Variants in INSL6 observed in about 807,000 individuals in gnomAD.
INSL6 encodes insulin like 6, also known as insulin-like peptide INSL6.
A neutral mutation model predicts 9.4 loss-of-function variants in INSL6; 16 were observed. The observed-to-expected ratio is 1.70, with a 90% CI of 1.15 to 2.59. INSL6 has a LOEUF of 2.59. Among genes scored for constraint, INSL6 ranks in the 30% most tolerant of loss-of-function variants. INSL6 has a pLI of 0.00. For missense variants in INSL6, 391 were observed against 257.3 expected, an observed-to-expected ratio of 1.52 and a Z score of -3.56; for synonymous variants, 154 against 96.9, an observed-to-expected ratio of 1.59 and a Z score of -3.46.
chr9:5,131,689 C>T (rs1824292631), intron 3 of INSL6, among the ~76,000 whole-genome samples: 1 of 152,080 alleles, frequency 6.6e-6, no homozygotes, highest in African/African-American at 2.4e-5. Context: ...ATCCAACCGC[C>T]TCAACCTCCC....
At chr9:5,122,898 T>C, downstream of INSL6, 4 of 709,358 alleles carry the variant, frequency 5.6e-6, no homozygotes, top group Non-Finnish European at 6.8e-6. Context: ...GTGATAACTC[T>C]TTTCTCTACA....
At chr9:5,052,741 A>G in the INSL6 span, among the ~76,000 whole-genome samples, 1 of 152,046 alleles carries the variant, frequency 6.6e-6, no homozygotes, top group Non-Finnish European at 1.5e-5. Flanking sequence ...ATCATGCAAA[A>G]TGTGGTGTGG....
chr9:4,997,105 T>A, the INSL6 span, among the ~76,000 whole-genome samples: 40 of 151,570 alleles, frequency 2.6e-4, no homozygotes, highest in Non-Finnish European at 4.1e-4. Flanking sequence ...ATTTTTATAT[T>A]TTTTTTTGTA....
the INSL6 span, among the ~76,000 whole-genome samples, chr9:5,050,437 A>G: frequency 6.6e-6 from 1 of 151,996 alleles, no homozygotes; most frequent in Non-Finnish European, 1.5e-5. Flanking sequence ...TGCCTGGATA[A>G]TTTTTAAATT....
chr9:5,032,030 C>T, the INSL6 span, among the ~76,000 whole-genome samples: 18 of 152,320 alleles, frequency 1.2e-4, no homozygotes, highest in South Asian at 1.0e-3. Flanking sequence ...GGGTGACAGA[C>T]GGCACCTGGA....
At chr9:5,026,195 T>C in the INSL6 span, among the ~76,000 whole-genome samples, 1 of 152,216 alleles carries the variant, frequency 6.6e-6, no homozygotes, top group East Asian at 1.9e-4. Context: ...TATAAGCAGA[T>C]AAAGCTACAA....
the INSL6 span, among the ~76,000 whole-genome samples, chr9:5,013,941 C>T: frequency 3.3e-5 from 5 of 152,016 alleles, no homozygotes; most frequent in African/African-American, 1.2e-4. Flanking sequence ...AAGGATGAAA[C>T]TTATTTTTAG....
the INSL6 span, among the ~76,000 whole-genome samples, chr9:5,031,103 T>C: frequency 2.0e-5 from 3 of 152,098 alleles, no homozygotes; most frequent in Admixed American, 6.6e-5. Context: ...GGACATAACA[T>C]TGGAATGGGG....
chr9:5,090,995 T>C, the INSL6 span: 1 of 1,030,826 alleles, frequency 9.7e-7, no homozygotes, highest in Non-Finnish European at 1.4e-6. Flanking sequence ...TTGCCATTTC[T>C]ATATTTACAG....
At chr9:5,064,921 C>G in the INSL6 span, 3 of 1,593,858 alleles carry the variant, frequency 1.9e-6, no homozygotes, top group South Asian at 1.1e-5. Context: ...CTTTGTCTTT[C>G]GTGTCATTAA....
At chr9:5,018,379 A>C in the INSL6 span, among the ~76,000 whole-genome samples, 4 of 152,112 alleles carry the variant, frequency 2.6e-5, no homozygotes, top group Admixed American at 2.0e-4. Context: ...TCTGTCCTCC[A>C]GGCTGGAGTG....
the INSL6 span, among the ~76,000 whole-genome samples, chr9:5,048,525 A>T: frequency 1.3e-5 from 2 of 152,074 alleles, no homozygotes; most frequent in African/African-American, 4.8e-5. Flanking sequence ...AAACAGTATA[A>T]CTTACTTGCC....
At chr9:5,155,025 C>A (rs944485370) in intron 2 of INSL6, among the ~76,000 whole-genome samples, 57 of 151,926 alleles carry the variant, frequency 3.8e-4, no homozygotes, top group Non-Finnish European at 6.2e-4. Context: ...CACATGCACA[C>A]GTATGTTTAT....
At chr9:5,006,806 G>C in the INSL6 span, among the ~76,000 whole-genome samples, 1 of 151,934 alleles carries the variant, frequency 6.6e-6, no homozygotes, top group Non-Finnish European at 1.5e-5. Context: ...ATTTGGGTGG[G>C]GACACAGAAC....
the INSL6 span, chr9:5,064,935 A>G: frequency 6.2e-7 from 1 of 1,600,268 alleles, no homozygotes. Flanking sequence ...TCATTAATTG[A>G]TGGATATTAT....
At chr9:5,111,880 AGCAGCTCTGGGGACGCC>A in the INSL6 span, 1 of 374,496 alleles carries the variant, frequency 2.7e-6, no homozygotes, top group East Asian at 7.2e-5. Flanking sequence ...GACCACAGCC[AGCAGCTCTGGGGACGCC>A]CTCGGGAAGG....
At chr9:5,112,740 T>A in the INSL6 span, 1 of 712,570 alleles carries the variant, frequency 1.4e-6, no homozygotes, top group Non-Finnish European at 2.1e-6. Flanking sequence ...ACAGCCTGTT[T>A]GAAACGGCGA....
rs368461380 is a variant in INSL6, at chr9:5,185,511, T to A, written c.92A>T (p.Lys31Met). The change falls in exon 1 of 2, where the codon AAG becomes ATG. Residue 31 changes from lysine (K) to methionine (M), a missense_variant. By Grantham distance (95) the Lys-to-Met change is moderately conservative (BLOSUM62 -1). Transcript: ENST00000381641. ...TTTCACCAAGTACCTGCCGCACAGC[T>A]TCCTGGCACTGCTGATGTCGCTCAG... ...RELSDISSAR[K>M]LCGRYLVKEI... The A allele has an allele frequency of 1.1e-5, 18 of 1,614,172 alleles. No individual in the cohort carries two copies. Among genetic ancestry groups the A allele is most frequent in the Non-Finnish European group, 1.4e-5 (17 of 1,180,022 alleles).
At chr9:5,107,061 C>T in the INSL6 span, among the ~76,000 whole-genome samples, 2 of 152,100 alleles carry the variant, frequency 1.3e-5, no homozygotes, top group African/African-American at 4.8e-5. Flanking sequence ...TTACATCCAA[C>T]CAGCACTTTG....
Sources: allele counts gnomAD v4.1 joint callset (sites outside exome capture counted in the v4.1 genomes callset), GRCh38; gene constraint gnomAD v4.1.1; transcripts MANE v1.5; gene names NCBI Gene and HGNC (gene_info 2026-07-23, HGNC 2026-07-21).